KDM1B: variants seen among roughly 807,000 people sequenced by gnomAD.
KDM1B encodes the protein lysine demethylase 1B.
A neutral mutation model predicts 107.4 loss-of-function variants in KDM1B; 63 were observed. That is an observed-to-expected ratio of 0.59 (90% CI 0.48 to 0.72). KDM1B has a LOEUF of 0.72. Among genes scored for constraint, KDM1B ranks in the 30% least tolerant of loss-of-function variants. The pLI, the probability that KDM1B is intolerant of heterozygous loss-of-function variation, is 0.00. For missense variants in KDM1B, 749 were observed against 1,020.8 expected, an observed-to-expected ratio of 0.73 and a Z score of 3.63; for synonymous variants, 363 against 363.9, an observed-to-expected ratio of 1.00 and a Z score of 0.03.
intron 3 of KDM1B, among the ~76,000 whole-genome samples, chr6:18,160,766 C>G (rs1469407139): frequency 1.4e-5 from 2 of 146,212 alleles, no homozygotes; most frequent in Non-Finnish European, 3.0e-5. Context: ...TATAACTGCT[C>G]TAAATAAAGA....
intron 7 of KDM1B, among the ~76,000 whole-genome samples, chr6:18,181,565 A>T (rs113786957): frequency 1.7e-3 from 257 of 152,140 alleles, no homozygotes; most frequent in African/African-American, 6.0e-3. Context: ...GGGCAACATG[A>T]CGAGACCCTG....
Position 18,221,993 on chromosome 6 carries a change from G to C in KDM1B, c.*1G>C. 1 of 1,613,730 alleles carries C rather than the reference G, an allele frequency of 6.2e-7. No homozygotes were observed. Among genetic ancestry groups the C allele is most frequent in the Non-Finnish European group, 8.5e-7 (1 of 1,179,672 alleles). The stretch of plus-strand genomic sequence containing the variant: ...AGCAAGCAAGATTGCAGCATTTTAA[G>C]AATTCGGTGGACCCAGCTTTCTTCT... On this transcript the variant is annotated 3_prime_UTR_variant, in exon 22 of 22. Coordinates refer to ENST00000650836, the MANE Select transcript of KDM1B (RefSeq NM_001364614.2).
At chr6:18,176,798 A>G (rs1227600986) in intron 7 of KDM1B, among the ~76,000 whole-genome samples, 2 of 152,206 alleles carry the variant, frequency 1.3e-5, no homozygotes, top group Non-Finnish European at 2.9e-5. Context: ...CATCCCTGGT[A>G]TGAAACCCAC....
chr6:18,207,273 C>A, intron 15 of KDM1B, 125 bp from the exon 16 acceptor site: 1 of 911,892 alleles, frequency 1.1e-6, no homozygotes, highest in Non-Finnish European at 1.7e-6. Context: ...TCTGCCTAGG[C>A]TGGTCTGCCT....
At chr6:18,180,231 T>G (rs1290247531) in intron 7 of KDM1B, among the ~76,000 whole-genome samples, 1 of 151,874 alleles carries the variant, frequency 6.6e-6, no homozygotes, top group Non-Finnish European at 1.5e-5. Flanking sequence ...TGATGGGAGC[T>G]GGGAACTGAG....
intron 7 of KDM1B, among the ~76,000 whole-genome samples, chr6:18,177,638 G>A (rs1786112565): frequency 6.6e-6 from 1 of 151,532 alleles, no homozygotes; most frequent in African/African-American, 2.4e-5. Context: ...TGAACTCTTG[G>A]CCTCAAGTGA....
In KDM1B at chr6:18,223,487, T is replaced by C. The variant is rs1789949324; in HGVS notation, c.*1495T>C. On this transcript the variant is annotated 3_prime_UTR_variant, in exon 22 of 22. Coordinates refer to ENST00000650836, the MANE Select transcript of KDM1B (RefSeq NM_001364614.2). ...GCAAGTATTCTGCTTTAAAGTATCA[T>C]GTATTAAAATGTTTAGACAGCATGT... The C allele has an allele frequency of 2.0e-5, 3 of 152,250 alleles. No individual in the cohort carries two copies. Among genetic ancestry groups the C allele is most frequent in the Admixed American group, 2.0e-4 (3 of 15,290 alleles). 9.4% of individuals were successfully genotyped at this position (152,250 alleles called of 1,614,324 possible).
At chr6:18,218,476 A>T (rs368646592) in intron 21 of KDM1B, among the ~76,000 whole-genome samples, 1 of 152,038 alleles carries the variant, frequency 6.6e-6, no homozygotes, top group Non-Finnish European at 1.5e-5. Context: ...CTGCCTCCCT[A>T]TTGGGTTAAA....
intron 6 of KDM1B, among the ~76,000 whole-genome samples, chr6:18,170,215 A>C (rs1785564698): frequency 1.3e-5 from 2 of 152,120 alleles, no homozygotes; most frequent in African/African-American, 2.4e-5. Context: ...AATCATTTTA[A>C]ATTTACTGAG....
At chr6:18,221,856 G>C in intron 21 of KDM1B, 53 bp from the exon 22 acceptor site, 1 of 1,381,058 alleles carries the variant, frequency 7.2e-7, no homozygotes, top group East Asian at 2.3e-5. Context: ...TTTACCTTTT[G>C]ATATCAACTC....
intron 10 of KDM1B, among the ~76,000 whole-genome samples, chr6:18,193,789 T>TG (rs1436442576): frequency 6.6e-6 from 1 of 151,816 alleles, no homozygotes; most frequent in Non-Finnish European, 1.5e-5. Flanking sequence ...TTCCTGACAC[T>TG]GGGTGGAGGT....
At chr6:18,202,762 TG>T (rs374335685) in intron 14 of KDM1B, among the ~76,000 whole-genome samples, 20 of 152,304 alleles carry the variant, frequency 1.3e-4, no homozygotes, top group African/African-American at 4.6e-4. Flanking sequence ...GCAGGGACTA[TG>T]TATCTCTTCT....
At position 18,212,401 on chromosome 6, in the gene KDM1B, A is replaced by G. The variant is rs912071323; in HGVS notation, c.1867-87A>G. 2 of 848,784 alleles carry G rather than the reference A, an allele frequency of 2.4e-6. No individual in the cohort carries two copies. Among genetic ancestry groups the G allele is most frequent in the Non-Finnish European group, 4.1e-6 (2 of 487,346 alleles). The allele number at this position is 848,784 out of a possible 1,614,324, so 52.6% of individuals were successfully genotyped here. A position where few individuals can be genotyped will look rare whatever the true frequency, so the allele number is the denominator to read the frequency against. Reference sequence around the variant, plus strand: ...CATGGCAGCCCTTGTTCTTGCCAGTATAACAGCATGGGTTGTTGATACCAG... The same window carrying G: ...CATGGCAGCCCTTGTTCTTGCCAGTGTAACAGCATGGGTTGTTGATACCAG... On this transcript the variant is annotated intron_variant, in intron 17 of 21. Transcript: ENST00000650836. The surrounding 1 kb of genome is among the most constrained non-coding windows in gnomAD (Gnocchi z 5.2).
In KDM1B at chr6:18,191,103, T is replaced by G; in HGVS notation, c.785-94T>G. On this transcript the variant is annotated intron_variant, in intron 9 of 21. Transcript: ENST00000650836. This position sits in a 1 kb window ranked among gnomAD's most constrained non-coding sequence, Gnocchi z 5.1. ...TATGTAGGGTAGAGAGTGGAGCTTG[T>G]CTAGGCTTACTTTTTGGTTTGCTTT... 9.2e-7 allele frequency: 1 copy of G among 1,082,450 alleles called. No individual in the cohort carries two copies. Among genetic ancestry groups the G allele is most frequent in the Non-Finnish European group, 1.3e-6 (1 of 745,930 alleles). 67.1% of individuals were successfully genotyped at this position (1,082,450 alleles called of 1,614,324 possible).
chr6:18,199,027 A>G (rs77028026), intron 12 of KDM1B, among the ~76,000 whole-genome samples: 7 of 146,750 alleles, frequency 4.8e-5, no homozygotes, highest in South Asian at 2.2e-4. Context: ...AAAAAAAAAA[A>G]AAAAAAGAAA....
rs148342613 is a variant in KDM1B at position 18,170,685 on chromosome 6, G to T, written c.418-678G>T. 8.2e-3 allele frequency among the ~76,000 whole-genome samples: 1,247 copies of T among 151,922 alleles called. 19 individuals carry two copies. Among genetic ancestry groups the T allele is most frequent in the African/African-American group, 0.029 (1,190 of 41,424 alleles). Reference sequence around the variant, plus strand: ...TGTAGAGACAGGATGTCACTATGTTGCCCAGGCTAGTCTGGAACTCCTGGG... The same window carrying T: ...TGTAGAGACAGGATGTCACTATGTTTCCCAGGCTAGTCTGGAACTCCTGGG... On this transcript the variant is annotated intron_variant, in intron 6 of 21. Coordinates refer to ENST00000650836, the MANE Select transcript of KDM1B (RefSeq NM_001364614.2).
chr6:18,157,609 A>G (rs1255857480), intron 2 of KDM1B, among the ~76,000 whole-genome samples: 3 of 151,840 alleles, frequency 2.0e-5, no homozygotes, highest in Non-Finnish European at 4.4e-5. Context: ...TACAAATACT[A>G]TATATTTACA....
chr6:18,219,769 C>A (rs1039633244), intron 21 of KDM1B, among the ~76,000 whole-genome samples: 2 of 152,204 alleles, frequency 1.3e-5, no homozygotes, highest in Non-Finnish European at 2.9e-5. Flanking sequence ...AGCTTATCAA[C>A]CAGTGGCCGG....
At chr6:18,168,958 G>A (rs2150810116) in intron 6 of KDM1B, among the ~76,000 whole-genome samples, 1 of 151,802 alleles carries the variant, frequency 6.6e-6, no homozygotes, top group East Asian at 2.0e-4. Flanking sequence ...TGCAACCTCT[G>A]CCTTCTGGGT....
Sources: gnomAD v4.1 joint callset for allele counts (sites outside exome capture counted in the v4.1 genomes callset) on GRCh38, gnomAD v4.1.1 for gene constraint, Gnocchi (gnomAD v3.1) non-coding constraint, MANE v1.5 for transcripts, NCBI Gene and HGNC (gene_info 2026-07-23, HGNC 2026-07-21) for gene names.